Variants in COXFA4 observed in about 807,000 individuals in gnomAD.
COXFA4 encodes cytochrome c oxidase subunit FA4.
chr7:10,936,901 G>C, the COXFA4 span, among the ~76,000 whole-genome samples: 2 of 152,196 alleles, frequency 1.3e-5, no homozygotes, highest in East Asian at 3.9e-4. Flanking sequence ...GCTGGGTGTG[G>C]TTGTGCGTGC....
At chr7:10,938,194 T>A in the COXFA4 span, 2 of 1,512,268 alleles carry the variant, frequency 1.3e-6, no homozygotes, top group Non-Finnish European at 1.8e-6. Flanking sequence ...AAAGCACTAT[T>A]TAGTGTTTTG....
chr7:10,931,982 A>C, the COXFA4 span: 1 of 152,216 alleles, frequency 6.6e-6, no homozygotes, highest in Non-Finnish European at 1.5e-5. Flanking sequence ...GGAGTTGCTT[A>C]ATGTTTTTCA....
At chr7:10,933,733 C>T in the COXFA4 span, 5 of 1,457,868 alleles carry the variant, frequency 3.4e-6, no homozygotes, top group Non-Finnish European at 4.8e-6. Flanking sequence ...ATCTCAAATA[C>T]ACAGAGACGG....
the COXFA4 span, among the ~76,000 whole-genome samples, chr7:10,934,888 A>G: frequency 6.6e-6 from 1 of 152,238 alleles, no homozygotes; most frequent in East Asian, 1.9e-4. Context: ...AACCTAGACA[A>G]TAAGGTTAAA....
chr7:10,936,968 G>A, the COXFA4 span, among the ~76,000 whole-genome samples: 1 of 152,106 alleles, frequency 6.6e-6, no homozygotes, highest in Non-Finnish European at 1.5e-5. Flanking sequence ...CCTGGGAAGT[G>A]GAGGCTGTAG....
At chr7:10,938,799 A>C in the COXFA4 span, 3 of 1,608,500 alleles carry the variant, frequency 1.9e-6, no homozygotes, top group African/African-American at 4.0e-5. Context: ...AACATTTTTA[A>C]GTACTTACCA....
the COXFA4 span, among the ~76,000 whole-genome samples, chr7:10,936,530 C>G: frequency 6.6e-6 from 1 of 152,164 alleles, no homozygotes; most frequent in Non-Finnish European, 1.5e-5. Context: ...TTAGTTTAAA[C>G]AAATTCATAA....
At chr7:10,933,730 A>C in the COXFA4 span, 1 of 1,471,368 alleles carries the variant, frequency 6.8e-7, no homozygotes, top group Non-Finnish European at 9.5e-7. Context: ...GTAATCTCAA[A>C]TACACAGAGA....
the COXFA4 span, among the ~76,000 whole-genome samples, chr7:10,936,853 C>G: frequency 6.6e-6 from 1 of 151,948 alleles, no homozygotes; most frequent in Non-Finnish European, 1.5e-5. Flanking sequence ...CTGGCCAACA[C>G]GGCAAAACCC....
chr7:10,939,854 A>G, the COXFA4 span: 1 of 827,194 alleles, frequency 1.2e-6, no homozygotes, highest in East Asian at 2.4e-5. Context: ...AGAGGGTCAC[A>G]GAGGCCTGGG....
chr7:10,937,652 T>C, the COXFA4 span, among the ~76,000 whole-genome samples: 100 of 152,266 alleles, frequency 6.6e-4, 3 homozygotes, highest in East Asian at 0.016. Context: ...AGGTTATGTT[T>C]GGGGAATCAA....
chr7:10,939,508 T>G, the COXFA4 span: 2 of 179,364 alleles, frequency 1.1e-5, no homozygotes, highest in South Asian at 1.1e-4. Context: ...AGAACTTAAC[T>G]GCAATTTCCA....
the COXFA4 span, among the ~76,000 whole-genome samples, chr7:10,937,655 G>A: frequency 6.6e-6 from 1 of 152,034 alleles, no homozygotes. Context: ...TTATGTTTGG[G>A]GAATCAATAA....
At chr7:10,932,394 C>T in the COXFA4 span, 149 of 152,236 alleles carry the variant, frequency 9.8e-4, no homozygotes, top group African/African-American at 3.5e-3. Flanking sequence ...TGTAAATATC[C>T]ACCATTTGAC....
the COXFA4 span, chr7:10,939,193 C>G: frequency 1.6e-5 from 5 of 319,274 alleles, no homozygotes; most frequent in South Asian, 6.2e-5. Flanking sequence ...TGTATCGAGT[C>G]TTCTTCACCT....
the COXFA4 span, chr7:10,938,279 T>C: frequency 5.1e-6 from 4 of 781,146 alleles, no homozygotes; most frequent in Non-Finnish European, 8.4e-6. Context: ...CATTATGAAG[T>C]TGAAACAGGT....
chr7:10,937,434 T>A, the COXFA4 span, among the ~76,000 whole-genome samples: 1 of 151,870 alleles, frequency 6.6e-6, no homozygotes, highest in Non-Finnish European at 1.5e-5. Flanking sequence ...AGGTACCTAC[T>A]ACCATGCCCA....
At chr7:10,932,566 A>C in the COXFA4 span, 2 of 152,260 alleles carry the variant, frequency 1.3e-5, no homozygotes, top group Non-Finnish European at 2.9e-5. Context: ...TCCAAAATTA[A>C]TGTCACTGAA....
At chr7:10,938,199 G>GT in the COXFA4 span, 2 of 1,478,600 alleles carry the variant, frequency 1.4e-6, no homozygotes, top group Non-Finnish European at 1.9e-6. Flanking sequence ...ACTATTTAGT[G>GT]TTTTGTACTA....
Sources: gnomAD v4.1 joint callset for allele counts (sites outside exome capture counted in the v4.1 genomes callset) on GRCh38, gnomAD v4.1.1 for gene constraint, MANE v1.5 for transcripts, NCBI Gene and HGNC (gene_info 2026-07-23, HGNC 2026-07-21) for gene names.